Variants in TPP2 observed in about 807,000 individuals in gnomAD.
TPP2 encodes the protein tripeptidyl peptidase 2, also known as tripeptidyl-peptidase 2.
A neutral mutation model predicts 155.9 loss-of-function variants in TPP2; 34 were observed. The ratio of observed to expected loss-of-function variants is 0.22; its 90% CI spans 0.17 to 0.29. The LOEUF is 0.29. Among genes scored for constraint, TPP2 ranks in the 10% least tolerant of loss-of-function variants. The probability of loss-of-function intolerance (pLI) is 1.00; values close to 1 mark genes in which losing one functional copy is unlikely to be tolerated. For missense variants in TPP2, 1,028 were observed against 1,522.3 expected (o/e 0.68, Z 5.40); for synonymous variants, 510 against 529.4 (o/e 0.96, Z 0.50).
chr13:102,622,981 T>G lies in TPP2; in HGVS notation c.725T>G (p.Leu242Trp). ...GGCTCTTTTGGCACAGCTGAGATGT[T>G]GAATTACTCCGTTAATATATACGAT... Reference protein sequence around the residue: ...EYGSFGTAEMLNYSVNIYDDG... With the variant: ...EYGSFGTAEMWNYSVNIYDDG... The change falls in exon 6 of 30, where the codon TTG (leucine) becomes TGG (tryptophan). Residue 242 changes from leucine (L) to tryptophan (W), a missense_variant. This residue lies in a region of TPP2 where 300 missense variants were observed against 398.3 expected (regional missense o/e 0.75). Coordinates refer to ENST00000376052, the MANE Select transcript of TPP2 (RefSeq NM_001330588.2). 1 of 1,614,138 alleles carries G rather than the reference T, an allele frequency of 6.2e-7. No homozygotes were observed. The highest frequency in any genetic ancestry group is 8.5e-7 in the Non-Finnish European group (1 of 1,180,022).
chr13:102,655,574 A>G (rs1223087922), intron 24 of TPP2, among the ~76,000 whole-genome samples: 1 of 152,220 alleles, frequency 6.6e-6, no homozygotes, highest in Non-Finnish European at 1.5e-5. Context: ...TTTACCTTTC[A>G]CAAGTCAAGA....
At chr13:102,645,149 GCAAGGCAGC>G in intron 19 of TPP2, 140 bp downstream of exon 19, 1 of 774,558 alleles carries the variant, frequency 1.3e-6, no homozygotes. Flanking sequence ...GCAGATCTCT[GCAAGGCAGC>G]CCCAGTATCA....
intron 12 of TPP2, 73 bp from the exon 13 acceptor site, chr13:102,636,151 T>C: frequency 2.8e-6 from 4 of 1,423,624 alleles, no homozygotes; most frequent in Non-Finnish European, 3.8e-6. Context: ...GAAATCAAAT[T>C]GATTGGTAAT....
At chr13:102,672,037 C>T (rs1006433970) in intron 27 of TPP2, among the ~76,000 whole-genome samples, 7 of 152,112 alleles carry the variant, frequency 4.6e-5, no homozygotes, top group African/African-American at 1.7e-4. Context: ...GTCTCTTCAC[C>T]TTCATTTTCG....
intron 4 of TPP2, 103 bp from the exon 5 acceptor site, chr13:102,618,619 A>G: frequency 1.4e-6 from 2 of 1,428,392 alleles, no homozygotes; most frequent in South Asian, 1.5e-5. Flanking sequence ...TTTCAGGGTA[A>G]AATAATTTTA....
At chr13:102,632,991 A>G (rs1882119933) in intron 10 of TPP2, among the ~76,000 whole-genome samples, 1 of 148,512 alleles carries the variant, frequency 6.7e-6, no homozygotes, top group Admixed American at 6.7e-5. Context: ...TATTGCTTTC[A>G]GTTCTCTATA....
intron 1 of TPP2, among the ~76,000 whole-genome samples, chr13:102,598,089 T>G (rs1272813346): frequency 6.6e-6 from 1 of 152,206 alleles, no homozygotes; most frequent in Non-Finnish European, 1.5e-5. Context: ...AGAAGGTAGT[T>G]TTTTTGAAAG....
chr13:102,625,238 C>G (rs1298138579), intron 6 of TPP2, among the ~76,000 whole-genome samples: 1 of 145,758 alleles, frequency 6.9e-6, no homozygotes, highest in African/African-American at 2.6e-5. Flanking sequence ...GATCTCGGCT[C>G]ACTGCAAGCT....
chr13:102,613,783 C>T (rs3818534), intron 2 of TPP2, among the ~76,000 whole-genome samples: 37,939 of 152,078 alleles, frequency 0.25, 5,308 homozygotes, highest in East Asian at 0.45. Context: ...TGTTTTAAAA[C>T]ACTTTGAGAT....
rs1265756768 is a variant in TPP2 at position 102,634,189 on chromosome 13, T to C, written c.1393+91T>C. On this transcript the variant is annotated intron_variant, in intron 11 of 29. Coordinates refer to ENST00000376052, the MANE Select transcript of TPP2 (RefSeq NM_001330588.2). ...TGGTAAGAACATGTGGTAGAATTGA[T>C]AATTCCCTGGGCACAAAGTAGAGTT... The C allele has an allele frequency of 5.8e-6, 9 of 1,539,802 alleles. No individual in the cohort carries two copies. In the African/African-American group the frequency reaches 1.2e-4, roughly 21 times the overall value.
chr13:102,618,938 G>T, intron 5 of TPP2, 92 bp downstream of exon 5: 1 of 1,426,558 alleles, frequency 7.0e-7, no homozygotes. Context: ...ACAGAATTTT[G>T]GTTTATTCGT....
chr13:102,640,509 C>G lies in TPP2; in HGVS notation c.2020+133C>G, dbSNP rs1882682824. ...TATGTATTTGGGTACCTTAGACTTT[C>G]TGTAAAGTTCAAAACGTTTTTAAGA... On this transcript the variant is annotated intron_variant, in intron 16 of 29. Transcript: ENST00000376052. 6.1e-6 allele frequency: 4 copies of G among 654,072 alleles called. No individual in the cohort carries two copies. The Admixed American group carries it at 8.7e-5, about 14-fold the overall frequency. 40.5% of individuals were successfully genotyped at this position (654,072 alleles called of 1,614,324 possible). A position where few individuals can be genotyped will look rare whatever the true frequency, so the allele number is the denominator to read the frequency against.
intron 21 of TPP2, among the ~76,000 whole-genome samples, chr13:102,648,649 T>A (rs1490152246): frequency 1.3e-5 from 2 of 152,070 alleles, no homozygotes; most frequent in Non-Finnish European, 2.9e-5. Context: ...GGCTTTGAAG[T>A]CAGACCTGAC....
intron 14 of TPP2, 101 bp from the exon 15 acceptor site, chr13:102,638,138 A>C: frequency 8.6e-7 from 1 of 1,157,720 alleles, no homozygotes; most frequent in Admixed American, 1.8e-5. Flanking sequence ...TAAGACCTTG[A>C]TTAAAAGTAG....
intron 16 of TPP2, among the ~76,000 whole-genome samples, chr13:102,642,995 C>T (rs1176915912): frequency 6.6e-6 from 1 of 152,054 alleles, no homozygotes; most frequent in Non-Finnish European, 1.5e-5. Flanking sequence ...CATTTTAATA[C>T]CAGTTTCTTT....
chr13:102,638,307 A>G lies in TPP2; in HGVS notation c.1905A>G (p.Ile635Met). ...PLFRVPITAVIAAKVNESSHY... is the reference protein window; with the variant it reads ...PLFRVPITAVMAAKVNESSHY... ...TCAGAGTTCCGATCACTGCAGTTAT[A>G]GCAGCAAAGTAAGTAACAGGTTACT... Residue 635 changes from isoleucine to methionine, a missense_variant, in exon 15 of 30, where the codon ATA (isoleucine) becomes ATG (methionine). By Grantham distance (10) the Ile-to-Met change is conservative (BLOSUM62 1). This residue lies in a region of TPP2 where 325 missense variants were observed against 463.7 expected (regional missense o/e 0.70). Transcript: ENST00000376052. 6.2e-7 allele frequency: 1 copy of G among 1,612,872 alleles called. No individual in the cohort carries two copies. The highest frequency in any genetic ancestry group is 8.5e-7 in the Non-Finnish European group (1 of 1,179,930).
chr13:102,661,408 C>T lies in TPP2; in HGVS notation c.3144-2240C>T, dbSNP rs1202990932. Among the ~76,000 whole-genome samples, 4 of 151,680 alleles carry T rather than the reference C, an allele frequency of 2.6e-5. 1 individual carries two copies. Among genetic ancestry groups the T allele is most frequent in the Non-Finnish European group, 5.9e-5 (4 of 67,868 alleles). ...TAGGACTACAAGTGCACGCCACCAC[C>T]CCCAGCTTATTTTTTTAAGGGATGG... On this transcript the variant is annotated intron_variant, in intron 25 of 29. Transcript: ENST00000376052.
intron 10 of TPP2, among the ~76,000 whole-genome samples, chr13:102,633,130 G>A (rs1473056885): frequency 6.6e-6 from 1 of 152,170 alleles, no homozygotes; most frequent in Non-Finnish European, 1.5e-5. Flanking sequence ...CCAGGGAGGC[G>A]GAAGTGTGCT....
intron 2 of TPP2, among the ~76,000 whole-genome samples, chr13:102,606,374 G>C (rs1329620558): frequency 2.0e-5 from 3 of 152,144 alleles, no homozygotes; most frequent in Non-Finnish European, 2.9e-5. Flanking sequence ...CTGATTCCAT[G>C]GGGTAGGAGT....
Sources: gnomAD v4.1 joint callset for allele counts (sites outside exome capture counted in the v4.1 genomes callset) on GRCh38, gnomAD v4.1.1 for gene constraint, gnomAD v4.1.1 regional missense constraint, MANE v1.5 for transcripts, NCBI Gene and HGNC (gene_info 2026-07-23, HGNC 2026-07-21) for gene names.